The following DPYS variants were observed in gnomAD, a reference collection of about 807,000 sequenced individuals.
The protein encoded by DPYS is dihydropyrimidine amidohydrolase.
A neutral mutation model predicts 50.3 loss-of-function variants in DPYS; 39 were observed. That is an observed-to-expected ratio of 0.78 (90% CI 0.60 to 1.01). The LOEUF is 1.01. Ranked by LOEUF, DPYS falls within the 50% of genes least tolerant of loss-of-function variation. The probability of loss-of-function intolerance (pLI) is 0.00; values close to 1 mark genes in which losing one functional copy is unlikely to be tolerated. For synonymous variants in DPYS, 245 were observed against 250.7 expected, an observed-to-expected ratio of 0.98 and a Z score of 0.22; for missense variants, 659 against 680.9, an observed-to-expected ratio of 0.97 and a Z score of 0.36.
rs971280531 is a variant in DPYS, at chr8:104,426,549, T to C, written c.1092+1431A>G. 1.1e-4 allele frequency among the ~76,000 whole-genome samples: 17 copies of C among 152,310 alleles called. No homozygotes were observed. In the South Asian group the frequency reaches 3.5e-3, roughly 32 times the overall value. The stretch of plus-strand genomic sequence containing the variant: ...AAAATTGACAAGACTTGGTGAATAA[T>C]TCATTAGAGTTAGAAGTAGGTGGTA... On this transcript the variant is annotated intron_variant, in intron 6 of 9. Coordinates refer to ENST00000351513, the MANE Select transcript of DPYS (RefSeq NM_001385.3).
rs1298001687 is a variant in DPYS at position 104,464,372 on chromosome 8, G to C, written c.264+2285C>G. On this transcript the variant is annotated intron_variant, in intron 1 of 9. Transcript: ENST00000351513. ...CACGCAAAGATAATCTTGAGAAAGAGAGGGAATGCCCCTCCCCCACAGCAT... is the reference window on the plus strand; with the variant it reads ...CACGCAAAGATAATCTTGAGAAAGACAGGGAATGCCCCTCCCCCACAGCAT... 3.3e-5 allele frequency among the ~76,000 whole-genome samples: 5 copies of C among 152,220 alleles called. No homozygotes were observed. In the East Asian group the frequency reaches 9.6e-4, roughly 29 times the overall value.
At chr8:104,445,702 A>G (rs562468911) in intron 3 of DPYS, among the ~76,000 whole-genome samples, 1 of 152,258 alleles carries the variant, frequency 6.6e-6, no homozygotes, top group East Asian at 1.9e-4. Flanking sequence ...AAAAGAAAGA[A>G]TGAATAAGAT....
chr8:104,395,187 C>T (rs113728366), intron 7 of DPYS, among the ~76,000 whole-genome samples: 41 of 152,106 alleles, frequency 2.7e-4, no homozygotes, highest in African/African-American at 9.2e-4. Flanking sequence ...TTGGTAGAGA[C>T]AGGGTTTAGC....
At chr8:104,439,957 TC>T (rs1001332435) in intron 4 of DPYS, among the ~76,000 whole-genome samples, 15 of 152,170 alleles carry the variant, frequency 9.9e-5, no homozygotes, top group African/African-American at 3.6e-4. Context: ...AATAAAGTGA[TC>T]TTTGGCTTAA....
intron 1 of DPYS, among the ~76,000 whole-genome samples, chr8:104,465,983 T>C (rs1244888497): frequency 1.3e-5 from 2 of 151,234 alleles, no homozygotes; most frequent in African/African-American, 4.9e-5. Context: ...GCTGCGTTGG[T>C]GTGTGTGAGT....
intron 7 of DPYS, among the ~76,000 whole-genome samples, chr8:104,407,846 T>C (rs1410688087): frequency 6.6e-6 from 1 of 152,234 alleles, no homozygotes; most frequent in African/African-American, 2.4e-5. Flanking sequence ...TAAAGAAAGT[T>C]AGGTTCTAAT....
At chr8:104,407,240 T>C (rs989822338) in intron 7 of DPYS, among the ~76,000 whole-genome samples, 1 of 152,242 alleles carries the variant, frequency 6.6e-6, no homozygotes, top group Non-Finnish European at 1.5e-5. Flanking sequence ...TCACAGTGTA[T>C]ATGACTCAAA....
At chr8:104,384,489 G>A (rs987737572) in intron 8 of DPYS, among the ~76,000 whole-genome samples, 13 of 152,140 alleles carry the variant, frequency 8.5e-5, no homozygotes, top group African/African-American at 3.1e-4. Context: ...CAGAAGTTCA[G>A]CTGCACATTT....
intron 7 of DPYS, among the ~76,000 whole-genome samples, chr8:104,399,567 T>C (rs1257584901): frequency 6.6e-6 from 1 of 151,898 alleles, no homozygotes; most frequent in Non-Finnish European, 1.5e-5. Context: ...CCAGTTTTTC[T>C]TTAAGAAACT....
chr8:104,410,716 C>T (rs770322081), intron 7 of DPYS, among the ~76,000 whole-genome samples: 1 of 152,190 alleles, frequency 6.6e-6, no homozygotes, highest in Non-Finnish European at 1.5e-5. Context: ...TGCTGCCTCA[C>T]ATAAAATCTG....
At chr8:104,438,037 C>T (rs563173431) in intron 4 of DPYS, among the ~76,000 whole-genome samples, 33 of 152,186 alleles carry the variant, frequency 2.2e-4, no homozygotes, top group Admixed American at 1.4e-3. Flanking sequence ...ACCCAGTAAG[C>T]GTGAAGACAA....
chr8:104,408,076 C>T (rs7008591), intron 7 of DPYS, among the ~76,000 whole-genome samples: 2,405 of 152,354 alleles, frequency 0.016, 56 homozygotes, highest in African/African-American at 0.054. Context: ...AGGCACGGTT[C>T]TAGGTGCTGG....
At chr8:104,460,283 T>C (rs996054026) in intron 1 of DPYS, among the ~76,000 whole-genome samples, 14 of 152,082 alleles carry the variant, frequency 9.2e-5, no homozygotes, top group African/African-American at 3.1e-4. Context: ...TGGGAGGTGA[T>C]TGAATCATGG....
chr8:104,463,514 G>A (rs1814243560), intron 1 of DPYS, among the ~76,000 whole-genome samples: 3 of 152,266 alleles, frequency 2.0e-5, no homozygotes, highest in South Asian at 2.1e-4. Flanking sequence ...CTTTAGCGAC[G>A]GGGTCAGGCA....
At chr8:104,384,796 T>C (rs1466404194) in intron 8 of DPYS, among the ~76,000 whole-genome samples, 2 of 152,228 alleles carry the variant, frequency 1.3e-5, no homozygotes, top group East Asian at 1.9e-4. Flanking sequence ...ATAAAACACA[T>C]AGAAAAACCA....
chr8:104,438,887 G>A (rs1334151298), intron 4 of DPYS, among the ~76,000 whole-genome samples: 1 of 151,994 alleles, frequency 6.6e-6, no homozygotes, highest in Non-Finnish European at 1.5e-5. Flanking sequence ...TGGGCAACAT[G>A]GTGAAATCCC....
At chr8:104,440,228 A>G (rs1322455647) in intron 4 of DPYS, among the ~76,000 whole-genome samples, 1 of 152,144 alleles carries the variant, frequency 6.6e-6, no homozygotes, top group East Asian at 1.9e-4. Flanking sequence ...CAATTGAACA[A>G]TAAAATCAAA....
chr8:104,459,276 C>G (rs899903941), intron 1 of DPYS, among the ~76,000 whole-genome samples: 2 of 152,332 alleles, frequency 1.3e-5, no homozygotes, highest in East Asian at 1.9e-4. Context: ...CCAGATGTCA[C>G]TGACCTCACA....
Position 104,447,398 on chromosome 8 carries a change from C to G in DPYS, c.529G>C (p.Glu177Gln). 1 of 1,614,080 alleles carries G rather than the reference C, an allele frequency of 6.2e-7. No individual in the cohort carries two copies. The highest frequency in any genetic ancestry group is 1.1e-5 in the South Asian group (1 of 91,060). ...ATTTCCTTGCACCGAGAGAAGGCTT[C>G]GTACAGCTCCAGGTCTGTCACCATG... ...LYMVTDLELY[E>Q]AFSRCKEIGA... is the part of the protein sequence containing the mutation. Residue 177 changes from glutamate (E) to glutamine (Q), a missense_variant, in exon 3 of 10, where the codon GAA becomes CAA. Transcript: ENST00000351513.
Sources: gnomAD v4.1 joint callset for allele counts (sites outside exome capture counted in the v4.1 genomes callset) on GRCh38, gnomAD v4.1.1 for gene constraint, MANE v1.5 for transcripts, NCBI Gene and HGNC (gene_info 2026-07-23, HGNC 2026-07-21) for gene names.